The following EEF2K variants were observed in gnomAD, a reference collection of about 807,000 sequenced individuals.
EEF2K encodes alternative protein EEF2K.
EEF2K carries 70 observed loss-of-function variants against 93.8 expected under a neutral mutation model. That is an observed-to-expected ratio of 0.75 (90% CI 0.62 to 0.91). The LOEUF (loss-of-function observed/expected upper bound fraction) is 0.91, where lower values mean the gene tolerates loss of function less well. Among genes scored for constraint, EEF2K ranks in the 40% least tolerant of loss-of-function variants. EEF2K has a pLI of 0.00. For synonymous variants in EEF2K, 376 were observed against 380.8 expected (o/e 0.99, Z 0.15); for missense variants, 935 against 972.9 (o/e 0.96, Z 0.52).
In EEF2K at chr16:22,276,557, A is replaced by G. The variant is rs1230531767; in HGVS notation, c.1889+2807A>G. 2.6e-5 allele frequency among the ~76,000 whole-genome samples: 4 copies of G among 152,254 alleles called. No homozygotes were observed. The East Asian group carries it at 5.8e-4, about 22-fold the overall frequency. The stretch of plus-strand genomic sequence containing the variant: ...TTAAGGGATTCAGGCCCCAGAAGTT[A>G]CTATCCAATAGGCGAAGGAGAAGGT... On this transcript the variant is annotated intron_variant, in intron 16 of 17. Coordinates refer to ENST00000263026, the MANE Select transcript of EEF2K (RefSeq NM_013302.5).
At chr16:22,273,828 G>A (rs2047609099) in intron 16 of EEF2K, 78 bp downstream of exon 16, 4 of 1,558,864 alleles carry the variant, frequency 2.6e-6, no homozygotes, top group Admixed American at 1.9e-5. Flanking sequence ...ATCAGCACAG[G>A]CCTGGGTTCC....
intron 3 of EEF2K, 101 bp from the exon 4 acceptor site, chr16:22,248,654 C>A: frequency 2.1e-6 from 3 of 1,447,246 alleles, no homozygotes; most frequent in Non-Finnish European, 1.9e-6. Flanking sequence ...TGGGTTGGTT[C>A]TGAGGTCAGT....
At position 22,280,296 on chromosome 16, in the gene EEF2K, C is replaced by G; in HGVS notation, c.1988C>G (p.Pro663Arg). 2 of 1,609,020 alleles carry G rather than the reference C, an allele frequency of 1.2e-6. No individual in the cohort carries two copies. Among genetic ancestry groups the G allele is most frequent in the Non-Finnish European group, 8.5e-7 (1 of 1,177,720 alleles). The change falls in exon 17 of 18, where the codon CCC becomes CGC. Residue 663 changes from proline to arginine, a missense_variant. Coordinates refer to ENST00000263026, the MANE Select transcript of EEF2K (RefSeq NM_013302.5). ...GGEYDGMQDE[P>R]RYMMLAREAE... ...GAGTACGACGGAATGCAGGACGAGC[C>G]CCGGTACATGATGCTGGCCAGGGAG...
At chr16:22,248,560 C>T (rs2047317559) in intron 3 of EEF2K, among the ~76,000 whole-genome samples, 195 bp from the exon 4 acceptor site, 1 of 152,098 alleles carries the variant, frequency 6.6e-6, no homozygotes, top group Admixed American at 6.6e-5. Context: ...AGGATTGAGA[C>T]CAGTGTGTTG....
At chr16:22,267,778 T>A (rs1232189512) in intron 15 of EEF2K, among the ~76,000 whole-genome samples, 1 of 152,118 alleles carries the variant, frequency 6.6e-6, no homozygotes, top group African/African-American at 2.4e-5. Context: ...GAGCTGGAGC[T>A]GAAGCAGCAG....
At chr16:22,259,056 T>C (rs2047437640) in intron 10 of EEF2K, among the ~76,000 whole-genome samples, 1 of 152,032 alleles carries the variant, frequency 6.6e-6, no homozygotes, top group Admixed American at 6.6e-5. Context: ...CAAATAAAAA[T>C]AGTACTATGT....
chr16:22,241,597 C>A (rs2047222516), intron 2 of EEF2K, among the ~76,000 whole-genome samples: 1 of 145,312 alleles, frequency 6.9e-6, no homozygotes, highest in African/African-American at 2.6e-5. Context: ...TGAGATCACC[C>A]CACTGCACTT....
chr16:22,234,877 C>CTTTTTTTTTTTTTTTTTT (rs1173052779), intron 2 of EEF2K, among the ~76,000 whole-genome samples: 2 of 90,624 alleles, frequency 2.2e-5, no homozygotes, highest in Admixed American at 1.3e-4. Flanking sequence ...TTTTTTGTTG[C>CTTTTTTTTTTTTTTTTTT]TTTTTTTTTT....
At position 22,256,679 on chromosome 16, in the gene EEF2K, T is replaced by C. The variant is rs2047402919; in HGVS notation, c.619-69T>C. 3 of 1,543,416 alleles carry C rather than the reference T, an allele frequency of 1.9e-6. No homozygotes were observed. In the Admixed American group the frequency reaches 5.7e-5, roughly 29 times the overall value. On this transcript the variant is annotated intron_variant, in intron 6 of 17. Coordinates refer to ENST00000263026, the MANE Select transcript of EEF2K (RefSeq NM_013302.5). ...CAGGCAGGCGAGTTCCTCTGAGCCC[T>C]CCCCTTGCCGCTTCTCAGAGGAGGT...
rs2047527777 is a variant in EEF2K at position 22,266,808 on chromosome 16, G to A, written c.1696G>A (p.Ala566Thr). ...EHAANLGELE[A>T]IVGLGLMYSQ... ...CGCAGCCAACCTGGGCGAGCTGGAG[G>A]CCATCGTGGGCCTGGGACTCATGTA... The change falls in exon 15 of 18, where the codon GCC becomes ACC. Residue 566 changes from alanine (A) to threonine (T), a missense_variant. By Grantham distance (58) the Ala-to-Thr change is moderately conservative. Coordinates refer to ENST00000263026, the MANE Select transcript of EEF2K (RefSeq NM_013302.5). The A allele has an allele frequency of 1.9e-6, 3 of 1,614,208 alleles. No homozygotes were observed. Among genetic ancestry groups the A allele is most frequent in the Non-Finnish European group, 1.7e-6 (2 of 1,180,038 alleles).
chr16:22,267,952 G>C (rs1425474457), intron 15 of EEF2K, among the ~76,000 whole-genome samples: 1 of 152,152 alleles, frequency 6.6e-6, no homozygotes, highest in Non-Finnish European at 1.5e-5. Context: ...CCTCCCATCT[G>C]TTCCCATCCT....
intron 2 of EEF2K, among the ~76,000 whole-genome samples, chr16:22,236,198 C>T (rs761290573): frequency 4.6e-5 from 7 of 152,192 alleles, no homozygotes; most frequent in Non-Finnish European, 7.3e-5. Context: ...CTACACACCA[C>T]TGTTGGTCTC....
At chr16:22,274,369 G>C (rs930452896) in intron 16 of EEF2K, among the ~76,000 whole-genome samples, 4 of 151,492 alleles carry the variant, frequency 2.6e-5, no homozygotes, top group African/African-American at 9.7e-5. Context: ...GCTTGAACCC[G>C]GGAGGCGGAG....
At chr16:22,240,324 A>G (rs1351953121) in intron 2 of EEF2K, among the ~76,000 whole-genome samples, 2 of 152,210 alleles carry the variant, frequency 1.3e-5, no homozygotes, top group South Asian at 2.1e-4. Context: ...TATAAATTTT[A>G]TAGTTATCTG....
chr16:22,264,457 C>G (rs2047497545), intron 12 of EEF2K, among the ~76,000 whole-genome samples: 1 of 152,036 alleles, frequency 6.6e-6, no homozygotes, highest in Non-Finnish European at 1.5e-5. Flanking sequence ...GGCAACAGAG[C>G]AAGACCCATG....
At chr16:22,247,615 A>G (rs913517872) in intron 3 of EEF2K, among the ~76,000 whole-genome samples, 3 of 152,168 alleles carry the variant, frequency 2.0e-5, no homozygotes, top group African/African-American at 7.2e-5. Context: ...TTGCTGGCCA[A>G]CTCAGTCTGT....
intron 10 of EEF2K, among the ~76,000 whole-genome samples, chr16:22,259,361 T>C (rs775026723): frequency 7.2e-5 from 11 of 152,224 alleles, no homozygotes; most frequent in Non-Finnish European, 1.2e-4. Flanking sequence ...TTTAGTTTTT[T>C]AATTTTTCTC....
At chr16:22,220,642 G>A (rs1040916479) in intron 1 of EEF2K, among the ~76,000 whole-genome samples, 4 of 152,024 alleles carry the variant, frequency 2.6e-5, no homozygotes, top group Non-Finnish European at 4.4e-5. Flanking sequence ...ACAGGATTTC[G>A]CCATGTTCCC....
In EEF2K at chr16:22,266,427, G is replaced by T. The variant is rs144906808; in HGVS notation, c.1478G>T (p.Arg493Leu). The change falls in exon 14 of 18, where the codon CGC becomes CTC. Residue 493 changes from arginine (R) to leucine (L), a missense_variant. Transcript: ENST00000263026. ...AAGTGGAATCTCCTCAACTCCTCCC[G>T]CCTCCACCTGCCGAGGGCTTCGGCC... The part of the protein sequence containing the change: ...VEKWNLLNSS[R>L]LHLPRASAVA... 3,009 of 1,614,026 alleles carry T rather than the reference G, an allele frequency of 1.9e-3. 9 individuals are homozygous for T. The highest frequency in any genetic ancestry group is 2.4e-3 in the Non-Finnish European group (2,848 of 1,179,996).
Sources: gnomAD v4.1 joint callset for allele counts (sites outside exome capture counted in the v4.1 genomes callset) on GRCh38, gnomAD v4.1.1 for gene constraint, MANE v1.5 for transcripts, NCBI Gene and HGNC (gene_info 2026-07-23, HGNC 2026-07-21) for gene names.